Variants in CYP7B1 observed in about 807,000 individuals in gnomAD.
CYP7B1 encodes the protein cytochrome P450 family 7 subfamily B member 1.
CYP7B1 carries 29 observed loss-of-function variants against 42.7 expected under a neutral mutation model. The ratio of observed to expected loss-of-function variants is 0.68; its 90% CI spans 0.51 to 0.93. CYP7B1 has a LOEUF of 0.93. Ranked by LOEUF, CYP7B1 falls within the 40% of genes least tolerant of loss-of-function variation. The pLI, the probability that CYP7B1 is intolerant of heterozygous loss-of-function variation, is 0.00. For missense variants in CYP7B1, 655 were observed against 600.5 expected, an observed-to-expected ratio of 1.09 and a Z score of -0.95; for synonymous variants, 235 against 218.2, an observed-to-expected ratio of 1.08 and a Z score of -0.68.
intron 1 of CYP7B1, among the ~76,000 whole-genome samples, chr8:64,710,031 C>T (rs1807058123): frequency 1.3e-5 from 2 of 152,102 alleles, no homozygotes; most frequent in African/African-American, 4.8e-5. Flanking sequence ...AAAACAATGG[C>T]ACTCGGCTCA....
chr8:64,630,985 C>T (rs778462306), intron 1 of CYP7B1, among the ~76,000 whole-genome samples: 16 of 152,296 alleles, frequency 1.1e-4, no homozygotes, highest in Middle Eastern at 3.4e-3. Context: ...GGAAAAACTT[C>T]AGGCCCAGAT....
At chr8:64,677,706 G>GTTTTTTTT (rs11435388) in intron 1 of CYP7B1, among the ~76,000 whole-genome samples, 3 of 86,398 alleles carry the variant, frequency 3.5e-5, no homozygotes, top group African/African-American at 4.5e-5. Flanking sequence ...ACACTCCTTG[G>GTTTTTTTT]TTTTTTTTTT....
chr8:64,681,884 G>A (rs1585851848), intron 1 of CYP7B1, among the ~76,000 whole-genome samples: 1 of 152,320 alleles, frequency 6.6e-6, no homozygotes, highest in Non-Finnish European at 1.5e-5. Context: ...AATTTGGGGG[G>A]CAGTTTGTTA....
At chr8:64,760,105 C>T (rs897670502) in intron 1 of CYP7B1, among the ~76,000 whole-genome samples, 11 of 152,192 alleles carry the variant, frequency 7.2e-5, no homozygotes, top group Admixed American at 3.9e-4. Context: ...CATATATGAT[C>T]AGCTAATCTT....
At chr8:64,609,524 T>C (rs1433311067) in intron 4 of CYP7B1, among the ~76,000 whole-genome samples, 1 of 152,212 alleles carries the variant, frequency 6.6e-6, no homozygotes, top group African/African-American at 2.4e-5. Flanking sequence ...TCATGCCATT[T>C]TCTAATTGTG....
chr8:64,730,358 C>T (rs917285953), intron 1 of CYP7B1, among the ~76,000 whole-genome samples: 1 of 152,146 alleles, frequency 6.6e-6, no homozygotes, highest in Non-Finnish European at 1.5e-5. Flanking sequence ...GCATGAGCCA[C>T]TGTGCCCAGT....
intron 2 of CYP7B1, among the ~76,000 whole-genome samples, chr8:64,619,981 A>C (rs979634701): frequency 2.0e-4 from 30 of 152,258 alleles, no homozygotes; most frequent in African/African-American, 7.2e-4. Context: ...CAGGAGTTCA[A>C]GACCAACCTG....
At chr8:64,645,613 C>T (rs2129631081) in intron 1 of CYP7B1, among the ~76,000 whole-genome samples, 1 of 152,242 alleles carries the variant, frequency 6.6e-6, no homozygotes. Flanking sequence ...GTGAAAATGG[C>T]CATACTGCCC....
intron 1 of CYP7B1, among the ~76,000 whole-genome samples, chr8:64,752,306 C>T (rs1183135678): frequency 6.6e-6 from 1 of 151,952 alleles, no homozygotes; most frequent in Non-Finnish European, 1.5e-5. Context: ...TACTTACAAA[C>T]AGGTCTACAT....
intron 4 of CYP7B1, among the ~76,000 whole-genome samples, chr8:64,611,544 T>G (rs1805363674): frequency 6.6e-6 from 1 of 152,150 alleles, no homozygotes; most frequent in Admixed American, 6.6e-5. Flanking sequence ...AAATCTTTCA[T>G]CAAATTTCGA....
intron 1 of CYP7B1, among the ~76,000 whole-genome samples, chr8:64,764,989 A>C (rs1035179451): frequency 1.3e-5 from 2 of 152,102 alleles, no homozygotes; most frequent in Non-Finnish European, 2.9e-5. Flanking sequence ...AAAAAAAAAA[A>C]AACACAATGG....
At chr8:64,738,355 TAAGA>T (rs1277142179) in intron 1 of CYP7B1, among the ~76,000 whole-genome samples, 1 of 151,944 alleles carries the variant, frequency 6.6e-6, no homozygotes, top group Non-Finnish European at 1.5e-5. Flanking sequence ...GCTACTCTAT[TAAGA>T]AAGAAAAAAA....
intron 1 of CYP7B1, among the ~76,000 whole-genome samples, chr8:64,783,878 T>C (rs1022639109): frequency 6.6e-6 from 1 of 152,192 alleles, no homozygotes; most frequent in African/African-American, 2.4e-5. Context: ...TTAGGAAGTC[T>C]CATTCATTAC....
rs991133401 is a variant in CYP7B1 at position 64,592,113 on chromosome 8, A to G, written c.*4529T>C. On this transcript the variant is annotated 3_prime_UTR_variant, in exon 6 of 6. Transcript: ENST00000310193. ...TGAGACAAGGGAATTGCTTGAACCC[A>G]GGAAGTGGAGGTTGCAGTGAGCTGA... Among the ~76,000 whole-genome samples, 2 of 151,934 alleles carry G rather than the reference A, an allele frequency of 1.3e-5. No individual in the cohort carries two copies. The highest frequency in any genetic ancestry group is 2.4e-5 in the African/African-American group (1 of 41,364).
intron 1 of CYP7B1, among the ~76,000 whole-genome samples, chr8:64,687,000 G>A (rs541218271): frequency 4.5e-5 from 6 of 134,530 alleles, no homozygotes; most frequent in Admixed American, 2.3e-4. Context: ...GCGGAAGGCC[G>A]CAGGGTCCTC....
intron 1 of CYP7B1, among the ~76,000 whole-genome samples, chr8:64,690,136 G>A (rs546410091): frequency 6.6e-5 from 10 of 152,234 alleles, no homozygotes; most frequent in East Asian, 3.9e-4. Context: ...GGTGGCTCAC[G>A]CCTGAAATCC....
chr8:64,715,883 A>T (rs901638672), intron 1 of CYP7B1, among the ~76,000 whole-genome samples: 14 of 152,366 alleles, frequency 9.2e-5, no homozygotes, highest in African/African-American at 3.1e-4. Context: ...AAATGAAGAA[A>T]AGGGAGAAAC....
intron 1 of CYP7B1, among the ~76,000 whole-genome samples, chr8:64,658,211 T>C (rs930027356): frequency 1.3e-5 from 2 of 152,180 alleles, no homozygotes; most frequent in South Asian, 2.1e-4. Context: ...ATTTGGACCA[T>C]AGTATTATCT....
chr8:64,772,730 A>G (rs1804256865), intron 1 of CYP7B1, among the ~76,000 whole-genome samples: 1 of 152,150 alleles, frequency 6.6e-6, no homozygotes, highest in African/African-American at 2.4e-5. Flanking sequence ...CTCTTTTCCT[A>G]TTCCTTCAAT....
Sources: gnomAD v4.1 joint callset for allele counts (sites outside exome capture counted in the v4.1 genomes callset) on GRCh38, gnomAD v4.1.1 for gene constraint, MANE v1.5 for transcripts, NCBI Gene and HGNC (gene_info 2026-07-23, HGNC 2026-07-21) for gene names.